Variants in PTK2 observed in about 807,000 individuals in gnomAD.
PTK2 encodes focal adhesion kinase 1.
In PTK2, 45 loss-of-function variants were observed where a neutral mutation model predicts 150.1. The ratio of observed to expected loss-of-function variants is 0.30; its 90% CI spans 0.24 to 0.38. The LOEUF (loss-of-function observed/expected upper bound fraction) is 0.38, where lower values mean the gene tolerates loss of function less well. Ranked by LOEUF, PTK2 falls within the 10% of genes least tolerant of loss-of-function variation. PTK2 has a pLI of 1.00. For missense variants in PTK2, 919 were observed against 1,307.3 expected (o/e 0.70, Z 4.58); for synonymous variants, 432 against 449.2 (o/e 0.96, Z 0.48).
intron 26 of PTK2, among the ~76,000 whole-genome samples, chr8:140,693,538 G>C (rs2153902652): frequency 7.7e-6 from 1 of 129,168 alleles, no homozygotes; most frequent in African/African-American, 3.1e-5. Context: ...TCCAGCCAGG[G>C]CCACAGAGTG....
intron 2 of PTK2, among the ~76,000 whole-genome samples, chr8:140,913,121 G>A (rs1441723624): frequency 6.6e-6 from 1 of 151,998 alleles, no homozygotes; most frequent in African/African-American, 2.4e-5. Flanking sequence ...CATAGATGAA[G>A]ATATAAAGGT....
At chr8:140,668,285 T>C in exon 30 of PTK2, 1 of 1,614,162 alleles carries the variant, frequency 6.2e-7, no homozygotes, top group Non-Finnish European at 8.5e-7. Context: ...CATAGGGACA[T>C]ACTCCTCTGG....
intron 4 of PTK2, among the ~76,000 whole-genome samples, chr8:140,870,727 T>G (rs2100142016): frequency 6.6e-6 from 1 of 152,202 alleles, no homozygotes; most frequent in Non-Finnish European, 1.5e-5. Flanking sequence ...CACACCTAAT[T>G]TGGATCCTAA....
At chr8:140,934,402 A>C (rs540146542) in intron 1 of PTK2, 3 of 152,188 alleles carry the variant, frequency 2.0e-5, no homozygotes, top group Non-Finnish European at 4.4e-5. Flanking sequence ...CATCCTGAGC[A>C]ACATAAGGAG....
intron 1 of PTK2, among the ~76,000 whole-genome samples, chr8:140,982,603 AAAAG>A (rs751100055): frequency 1.3e-5 from 2 of 152,202 alleles, no homozygotes; most frequent in Admixed American, 1.3e-4. Flanking sequence ...TCTCCAAAAA[AAAAG>A]AAAGAAAGAA....
intron 1 of PTK2, among the ~76,000 whole-genome samples, chr8:140,987,161 A>C (rs1488742905): frequency 6.6e-6 from 1 of 152,160 alleles, no homozygotes; most frequent in East Asian, 1.9e-4. Flanking sequence ...AAAACCCAAA[A>C]AAATGGAGGA....
chr8:140,951,909 A>T (rs991019696), intron 1 of PTK2, among the ~76,000 whole-genome samples: 3 of 145,408 alleles, frequency 2.1e-5, no homozygotes, highest in African/African-American at 5.1e-5. Context: ...AAAAAAAAAA[A>T]TTTTTTTTTT....
chr8:140,945,810 T>G (rs1389655737), intron 1 of PTK2, among the ~76,000 whole-genome samples: 2 of 152,134 alleles, frequency 1.3e-5, no homozygotes, highest in Non-Finnish European at 2.9e-5. Flanking sequence ...AAAAGATCAC[T>G]TCCATCTCCA....
At chr8:140,850,446 C>T (rs1598589500) in intron 5 of PTK2, among the ~76,000 whole-genome samples, 1 of 149,276 alleles carries the variant, frequency 6.7e-6, no homozygotes, top group Non-Finnish European at 1.5e-5. Flanking sequence ...CTACGACGGG[C>T]CAGGCGCGGT....
At chr8:140,956,309 GAAC>G (rs1305905867) in intron 1 of PTK2, among the ~76,000 whole-genome samples, 5 of 151,712 alleles carry the variant, frequency 3.3e-5, no homozygotes, top group South Asian at 2.1e-4. Flanking sequence ...AAAAGACAGA[GAAC>G]AACACGGGAG....
intron 8 of PTK2, among the ~76,000 whole-genome samples, chr8:140,823,482 C>CAT (rs5895649): frequency 0.15 from 22,789 of 150,884 alleles, 5,080 homozygotes; most frequent in African/African-American, 0.5. Flanking sequence ...GGTTAAAATG[C>CAT]ATATATATAT....
At chr8:140,849,193 CAA>C (rs1450452129) in intron 5 of PTK2, among the ~76,000 whole-genome samples, 3 of 152,128 alleles carry the variant, frequency 2.0e-5, no homozygotes, top group African/African-American at 7.2e-5. Flanking sequence ...AAGTATTCTG[CAA>C]AGAGTATAGA....
chr8:140,785,457 A>C (rs887386456), intron 14 of PTK2, among the ~76,000 whole-genome samples: 3 of 152,234 alleles, frequency 2.0e-5, no homozygotes, highest in Non-Finnish European at 1.5e-5. Flanking sequence ...AGAGAAATGT[A>C]CAGTGCACTA....
chr8:140,864,907 GTA>G (rs1189351221), intron 4 of PTK2, among the ~76,000 whole-genome samples: 47 of 152,094 alleles, frequency 3.1e-4, no homozygotes, highest in African/African-American at 1.1e-3. Flanking sequence ...TCTGGTAAAC[GTA>G]TGTACACATT....
intron 22 of PTK2, among the ~76,000 whole-genome samples, chr8:140,723,927 CATA>C (rs1334935153): frequency 6.6e-6 from 1 of 152,170 alleles, no homozygotes; most frequent in Non-Finnish European, 1.5e-5. Flanking sequence ...AGTAAAAGGA[CATA>C]AAAACAGTTG....
intron 14 of PTK2, among the ~76,000 whole-genome samples, chr8:140,783,091 A>C (rs767907274): frequency 5.9e-5 from 9 of 151,900 alleles, no homozygotes; most frequent in Non-Finnish European, 1.3e-4. Context: ...AAATACAAAA[A>C]TTTGCTGGGC....
chr8:140,997,367 T>C (rs1034327249), intron 1 of PTK2, among the ~76,000 whole-genome samples: 1 of 152,170 alleles, frequency 6.6e-6, no homozygotes, highest in African/African-American at 2.4e-5. Context: ...GCAATGGCAG[T>C]GTTTAGGAGT....
chr8:140,743,246 A>G (rs1167817606), exon 20 of PTK2: 2 of 1,603,186 alleles, frequency 1.2e-6, no homozygotes, highest in African/African-American at 1.3e-5. Context: ...AGTAAGTACT[A>G]TCTTCCATAT....
chr8:140,695,306 C>A, intron 26 of PTK2, among the ~76,000 whole-genome samples: 1 of 152,260 alleles, frequency 6.6e-6, no homozygotes, highest in South Asian at 2.1e-4. Context: ...CCAGCTTAGA[C>A]CCTGCTGTCA....
Sources: gnomAD v4.1 joint callset for allele counts (sites outside exome capture counted in the v4.1 genomes callset) on GRCh38, gnomAD v4.1.1 for gene constraint, MANE v1.5 for transcripts, NCBI Gene and HGNC (gene_info 2026-07-23, HGNC 2026-07-21) for gene names.